Variants in RPS6KB1 observed in about 807,000 individuals in gnomAD.
RPS6KB1 encodes the protein ribosomal protein S6 kinase B1.
In RPS6KB1, 12 loss-of-function variants were observed where a neutral mutation model predicts 70.2. The ratio of observed to expected loss-of-function variants is 0.17; its 90% CI spans 0.11 to 0.28. RPS6KB1 has a LOEUF of 0.28. Ranked by LOEUF, RPS6KB1 falls within the 10% of genes least tolerant of loss-of-function variation. RPS6KB1 has a pLI of 1.00. For synonymous variants in RPS6KB1, 175 were observed against 211.2 expected (o/e 0.83, Z 1.49); for missense variants, 270 against 646.6 (o/e 0.42, Z 6.32).
chr17:59,894,292 C>T (rs2041368262), intron 1 of RPS6KB1, among the ~76,000 whole-genome samples: 1 of 151,748 alleles, frequency 6.6e-6, no homozygotes, highest in South Asian at 2.1e-4. Flanking sequence ...ATAAATTTAT[C>T]AAAAAATGAC....
At chr17:59,915,019 C>T (rs750034211) in intron 4 of RPS6KB1, among the ~76,000 whole-genome samples, 14 of 151,162 alleles carry the variant, frequency 9.3e-5, no homozygotes, top group Middle Eastern at 3.2e-3. Flanking sequence ...GACGTAGTCG[C>T]GCTCTGTCGC....
In RPS6KB1 at chr17:59,915,790, T is replaced by A. The variant is rs28582754; in HGVS notation, c.381+1087T>A. Among the ~76,000 whole-genome samples the A allele has an allele frequency of 5.3e-5, 7 of 131,590 alleles. 1 individual carries two copies. Among genetic ancestry groups the A allele is most frequent in the Admixed American group, 7.8e-5 (1 of 12,788 alleles). 86.3% of individuals were successfully genotyped at this position (131,590 alleles called of 152,430 possible). On this transcript the variant is annotated intron_variant, in intron 4 of 14. Coordinates refer to ENST00000225577, the MANE Select transcript of RPS6KB1 (RefSeq NM_003161.4). ...CTACTGCTATCTTTTTTTTTTTTTT[T>A]TTTTTTTTTATTGTGACAGAGTTTT...
intron 10 of RPS6KB1, among the ~76,000 whole-genome samples, chr17:59,935,576 G>A (rs2044179028): frequency 6.6e-6 from 1 of 151,816 alleles, no homozygotes; most frequent in Non-Finnish European, 1.5e-5. Flanking sequence ...CCAGGTTCAA[G>A]CGATTCTTCC....
intron 1 of RPS6KB1, among the ~76,000 whole-genome samples, chr17:59,899,060 C>CG (rs1254352752): frequency 6.6e-6 from 1 of 151,720 alleles, no homozygotes; most frequent in Non-Finnish European, 1.5e-5. Context: ...AAAAATTAGC[C>CG]GGGCCTGGTG....
chr17:59,927,506 AC>A (rs1241320566), intron 5 of RPS6KB1, among the ~76,000 whole-genome samples: 16 of 150,066 alleles, frequency 1.1e-4, no homozygotes, highest in Admixed American at 7.3e-4. Flanking sequence ...CATTGGAAAA[AC>A]TTTTTTTTTT....
intron 4 of RPS6KB1, among the ~76,000 whole-genome samples, chr17:59,919,719 G>A (rs2043161352): frequency 6.6e-6 from 1 of 151,688 alleles, no homozygotes; most frequent in East Asian, 2.0e-4. Context: ...CTTCGACTTA[G>A]TATGGAGATG....
intron 9 of RPS6KB1, 172 bp from the exon 10 acceptor site, chr17:59,935,021 T>C: frequency 1.9e-6 from 1 of 527,170 alleles, no homozygotes; most frequent in Non-Finnish European, 3.5e-6. Context: ...GTTGAGACCC[T>C]GTCTGTAAAA....
At position 59,934,231 on chromosome 17, in the gene RPS6KB1, A is replaced by G. The variant is rs781533569; in HGVS notation, c.750A>G (p.Thr250=). The change falls in exon 8 of 15, where the codon ACA becomes ACG. Residue 250 remains threonine, a synonymous_variant. Transcript: ENST00000225577. This position sits in a 1 kb window ranked among gnomAD's most constrained non-coding sequence, Gnocchi z 4.8. ...CKESIHDGTV[T]HTFCGTIEYM... is the part of the protein sequence containing the mutation. ...AATCTATTCATGATGGAACAGTCAC[A>G]CACACATTTTGTGGAACAATAGAAT... is the stretch of plus-strand genomic sequence containing the variant. 1.2e-6 allele frequency: 2 copies of G among 1,612,210 alleles called. No homozygotes were observed. Among genetic ancestry groups the G allele is most frequent in the East Asian group, 4.5e-5 (2 of 44,840 alleles).
intron 1 of RPS6KB1, among the ~76,000 whole-genome samples, chr17:59,902,563 A>T (rs1181343216): frequency 6.6e-6 from 1 of 151,094 alleles, no homozygotes; most frequent in Non-Finnish European, 1.5e-5. Context: ...ATTGTGAATA[A>T]AGCATTTTTT....
At chr17:59,932,289 G>A (rs895034313) in intron 7 of RPS6KB1, among the ~76,000 whole-genome samples, 1 of 151,848 alleles carries the variant, frequency 6.6e-6, no homozygotes, top group Non-Finnish European at 1.5e-5. Context: ...GTGGGTGCCT[G>A]TAATCCCAGC....
intron 4 of RPS6KB1, among the ~76,000 whole-genome samples, chr17:59,916,036 C>T (rs2042943394): frequency 6.6e-6 from 1 of 152,026 alleles, no homozygotes; most frequent in Non-Finnish European, 1.5e-5. Flanking sequence ...CTTGGCCTCC[C>T]AAAGTGCTGG....
At chr17:59,901,454 T>G (rs1023177065) in intron 1 of RPS6KB1, among the ~76,000 whole-genome samples, 8 of 146,542 alleles carry the variant, frequency 5.5e-5, no homozygotes, top group African/African-American at 2.0e-4. Flanking sequence ...TGGCCGAGAC[T>G]CCATCTTAAA....
intron 13 of RPS6KB1, among the ~76,000 whole-genome samples, chr17:59,944,227 C>T (rs1256948224): frequency 6.6e-6 from 1 of 152,070 alleles, no homozygotes; most frequent in African/African-American, 2.4e-5. Context: ...TTTATTGTAA[C>T]ACATAATGCT....
intron 3 of RPS6KB1, among the ~76,000 whole-genome samples, 195 bp from the exon 4 acceptor site, chr17:59,914,440 A>G (rs1444663765): frequency 6.6e-6 from 1 of 152,230 alleles, no homozygotes; most frequent in African/African-American, 2.4e-5. Context: ...TCATTGTCCA[A>G]CATTACCACC....
chr17:59,902,191 G>A (rs568241490), intron 1 of RPS6KB1, among the ~76,000 whole-genome samples: 1 of 137,862 alleles, frequency 7.3e-6, no homozygotes, highest in Admixed American at 8.3e-5. Context: ...TGCAACCTCT[G>A]CCTCCTGGGT....
At chr17:59,936,103 G>A (rs1291678589) in intron 10 of RPS6KB1, 112 bp from the exon 11 acceptor site, 1 of 935,064 alleles carries the variant, frequency 1.1e-6, no homozygotes, top group African/African-American at 1.7e-5. Context: ...CACTGTGCCT[G>A]GCCAATAAAC....
intron 1 of RPS6KB1, among the ~76,000 whole-genome samples, chr17:59,900,215 CA>C (rs1467282042): frequency 7.0e-4 from 94 of 134,212 alleles, no homozygotes; most frequent in Non-Finnish European, 1.0e-3. Flanking sequence ...CACACACACA[CA>C]CACACACACA....
At position 59,934,417 on chromosome 17, in the gene RPS6KB1, T is replaced by A. The variant is rs764921135; in HGVS notation, c.780-17T>A. 6.2e-7 allele frequency: 1 copy of A among 1,607,816 alleles called. No homozygotes were observed. Among genetic ancestry groups the A allele is most frequent in the Non-Finnish European group, 8.5e-7 (1 of 1,174,432 alleles). On this transcript the variant is annotated splice_polypyrimidine_tract_variant and intron_variant, in intron 8 of 14. Coordinates refer to ENST00000225577, the MANE Select transcript of RPS6KB1 (RefSeq NM_003161.4). This position sits in a 1 kb window ranked among gnomAD's most constrained non-coding sequence, Gnocchi z 4.8. ...CAAATGGGTGAATTTTTAAGCATAT[T>A]ATTTTCCTCATTGTAGGGCCCCTGA...
chr17:59,932,237 T>C (rs1357377459), intron 7 of RPS6KB1, among the ~76,000 whole-genome samples: 15 of 145,402 alleles, frequency 1.0e-4, no homozygotes, highest in Admixed American at 6.2e-4. Flanking sequence ...ACCCCATCTC[T>C]ACAAAAATAC....
Sources: allele counts gnomAD v4.1 joint callset (sites outside exome capture counted in the v4.1 genomes callset), GRCh38; gene constraint gnomAD v4.1.1; non-coding constraint Gnocchi (gnomAD v3.1); transcripts MANE v1.5; gene names NCBI Gene and HGNC (gene_info 2026-07-23, HGNC 2026-07-21).